The following RAD51B variants were observed in gnomAD, a reference collection of about 807,000 sequenced individuals.
RAD51B encodes RAD51 paralog B, also known as DNA repair protein RAD51 homolog 2.
Under a neutral mutation model 42.2 loss-of-function variants are expected in RAD51B, and 38 were observed. The ratio of observed to expected loss-of-function variants is 0.90; its 90% CI spans 0.70 to 1.18. The LOEUF is 1.18. RAD51B is among the 50% of genes most tolerant of loss of function. RAD51B has a pLI of 0.00. For synonymous variants in RAD51B, 154 were observed against 145.2 expected (o/e 1.06, Z -0.43); for missense variants, 373 against 400.7 (o/e 0.93, Z 0.59).
chr14:67,839,810 A>G, intron 4 of RAD51B, among the ~76,000 whole-genome samples: 1 of 151,860 alleles, frequency 6.6e-6, no homozygotes, highest in East Asian at 1.9e-4. Flanking sequence ...TGACCTTTTA[A>G]GACTGAATTT....
intron 7 of RAD51B, among the ~76,000 whole-genome samples, chr14:68,008,744 ACT>A (rs2140325818): frequency 6.6e-6 from 1 of 152,162 alleles, no homozygotes; most frequent in African/African-American, 2.4e-5. Context: ...GAAATGAAAT[ACT>A]TTAAATCCTG....
chr14:68,436,207 T>A (rs1345734680), intron 9 of RAD51B, among the ~76,000 whole-genome samples: 1 of 152,126 alleles, frequency 6.6e-6, no homozygotes, highest in Non-Finnish European at 1.5e-5. Flanking sequence ...TATGGTAAAA[T>A]GTAGGGGTCT....
At chr14:68,156,295 A>T (rs11850654) in intron 7 of RAD51B, among the ~76,000 whole-genome samples, 2,392 of 152,340 alleles carry the variant, frequency 0.016, 71 homozygotes, top group African/African-American at 0.052. Flanking sequence ...CCACAGGGAA[A>T]GGCTTTGTAT....
At chr14:67,968,034 T>C (rs2074820466) in intron 7 of RAD51B, among the ~76,000 whole-genome samples, 1 of 152,238 alleles carries the variant, frequency 6.6e-6, no homozygotes, top group Admixed American at 6.5e-5. Flanking sequence ...AATTCTTGAC[T>C]TCTGTGCACC....
intron 10 of RAD51B, chr14:68,563,802 C>T (rs561120297): frequency 4.1e-6 from 4 of 985,198 alleles, no homozygotes; most frequent in East Asian, 1.1e-4. Context: ...AACGACAGCT[C>T]GGTAATGAGC....
At chr14:67,821,379 G>GC (rs1357764733) in intron 1 of RAD51B, among the ~76,000 whole-genome samples, 5 of 152,214 alleles carry the variant, frequency 3.3e-5, no homozygotes, top group African/African-American at 1.2e-4. Context: ...GGCAAGTGAT[G>GC]GGAGTGGCCC....
chr14:68,593,354 G>C (rs909606093), intron 10 of RAD51B, among the ~76,000 whole-genome samples: 4 of 152,212 alleles, frequency 2.6e-5, no homozygotes, highest in African/African-American at 9.7e-5. Flanking sequence ...GCCCATGATG[G>C]GCTCTCTGGT....
At chr14:68,577,580 A>G (rs1020423138) in intron 10 of RAD51B, among the ~76,000 whole-genome samples, 2 of 152,006 alleles carry the variant, frequency 1.3e-5, no homozygotes, top group Non-Finnish European at 2.9e-5. Flanking sequence ...CCAGGGTTCA[A>G]CATGCTCCCT....
chr14:68,022,240 A>T (rs1217738338), intron 7 of RAD51B, among the ~76,000 whole-genome samples: 1 of 152,092 alleles, frequency 6.6e-6, no homozygotes, highest in East Asian at 1.9e-4. Context: ...AGCTTTCTCC[A>T]TGTTGCTGCA....
intron 7 of RAD51B, among the ~76,000 whole-genome samples, chr14:68,041,408 C>A (rs1384559941): frequency 6.6e-6 from 1 of 152,144 alleles, no homozygotes; most frequent in Non-Finnish European, 1.5e-5. Context: ...TGAGCTGCAA[C>A]TATTTTTGAG....
chr14:68,529,096 T>C (rs1887113425), intron 10 of RAD51B, among the ~76,000 whole-genome samples: 1 of 152,258 alleles, frequency 6.6e-6, no homozygotes, highest in Admixed American at 6.5e-5. Flanking sequence ...GAAGCACAGC[T>C]AGAGGCTCCT....
At position 68,075,367 on chromosome 14, in the gene RAD51B, C is replaced by T. The variant is rs35881255; in HGVS notation, c.756+188163C>T. 3.0e-3 allele frequency among the ~76,000 whole-genome samples: 452 copies of T among 152,278 alleles called. 2 individuals carry two copies. Among genetic ancestry groups the T allele is most frequent in the African/African-American group, 0.01 (434 of 41,548 alleles). ...CACTGCAGTGGTACTGGCAGAGGGG[C>T]TTTCAGTTGCCTCTGGGAGCTCCAC... On this transcript the variant is annotated intron_variant, in intron 7 of 10. Transcript: ENST00000471583.
At chr14:68,213,897 G>A (rs1043650461) in intron 7 of RAD51B, among the ~76,000 whole-genome samples, 5 of 152,216 alleles carry the variant, frequency 3.3e-5, no homozygotes, top group African/African-American at 4.8e-5. Context: ...ATGAGAAAGA[G>A]TAGATGCCAT....
intron 10 of RAD51B, among the ~76,000 whole-genome samples, chr14:68,474,714 G>C (rs1362504073): frequency 1.3e-5 from 2 of 152,206 alleles, no homozygotes; most frequent in Non-Finnish European, 1.5e-5. Context: ...ATGAGCCTCT[G>C]TTGAGATACT....
At chr14:68,184,625 C>CAAA (rs3073458) in intron 7 of RAD51B, among the ~76,000 whole-genome samples, 1,695 of 132,328 alleles carry the variant, frequency 0.013, 30 homozygotes, top group African/African-American at 0.027. Flanking sequence ...AAAAAAAAAC[C>CAAA]AAAAAAAAAA....
intron 7 of RAD51B, among the ~76,000 whole-genome samples, chr14:67,998,155 A>G (rs2075418108): frequency 2.0e-5 from 3 of 152,160 alleles, no homozygotes; most frequent in African/African-American, 7.2e-5. Flanking sequence ...AGTTATTGTG[A>G]TGTACTCTTA....
intron 8 of RAD51B, among the ~76,000 whole-genome samples, chr14:68,394,262 C>T (rs2083848886): frequency 6.6e-6 from 1 of 152,226 alleles, no homozygotes; most frequent in Non-Finnish European, 1.5e-5. Flanking sequence ...CTCAGGCCTC[C>T]ATCTGCAGGG....
intron 10 of RAD51B, among the ~76,000 whole-genome samples, chr14:68,628,987 GGGTTGGAA>G (rs1057215455): frequency 6.6e-6 from 1 of 152,164 alleles, no homozygotes; most frequent in Non-Finnish European, 1.5e-5. Flanking sequence ...CAACCCGAAC[GGGTTGGAA>G]GGGGGCAGTC....
chr14:68,271,305 G>C (rs2081099807), intron 7 of RAD51B, among the ~76,000 whole-genome samples: 1 of 152,188 alleles, frequency 6.6e-6, no homozygotes, highest in South Asian at 2.1e-4. Flanking sequence ...TTAAATGAAT[G>C]CACTGACATC....
Sources: gnomAD v4.1 joint callset for allele counts (sites outside exome capture counted in the v4.1 genomes callset) on GRCh38, gnomAD v4.1.1 for gene constraint, MANE v1.5 for transcripts, NCBI Gene and HGNC (gene_info 2026-07-23, HGNC 2026-07-21) for gene names.